Variants in PAX7 observed in about 807,000 individuals in gnomAD.
PAX7 encodes the protein paired box protein Pax-7.
Under a neutral mutation model 50.7 loss-of-function variants are expected in PAX7, and 18 were observed. The ratio of observed to expected loss-of-function variants is 0.36; its 90% CI spans 0.25 to 0.53. PAX7 has a LOEUF of 0.53. Among genes scored for constraint, PAX7 ranks in the 20% least tolerant of loss-of-function variants. PAX7 has a pLI of 0.93. For missense variants in PAX7, 644 were observed against 702.9 expected (o/e 0.92, Z 0.95); for synonymous variants, 310 against 290.4 (o/e 1.07, Z -0.69).
At chr1:18,687,948 T>C (rs1440175173) in intron 4 of PAX7, among the ~76,000 whole-genome samples, 6 of 151,800 alleles carry the variant, frequency 4.0e-5, no homozygotes, top group Non-Finnish European at 1.5e-5. Context: ...CCATGGTGAG[T>C]CTAGAAAGCT....
intron 7 of PAX7, among the ~76,000 whole-genome samples, chr1:18,716,820 C>G (rs1008021770): frequency 2.0e-5 from 3 of 151,134 alleles, no homozygotes; most frequent in African/African-American, 7.4e-5. Flanking sequence ...ACCTCTTCCC[C>G]CTCCATCTTC....
intron 7 of PAX7, among the ~76,000 whole-genome samples, chr1:18,719,281 A>G (rs886941853): frequency 2.0e-5 from 3 of 152,178 alleles, no homozygotes; most frequent in East Asian, 1.9e-4. Context: ...AGCATCCACA[A>G]AAGAGGTAAC....
chr1:18,635,178 G>A lies in PAX7; in HGVS notation c.389G>A (p.Ser130Asn). ...AAGAGGGAAAACCCAGGCATGTTCAGCTGGGAGATCCGGGACAGGCTGCTG... is the reference window on the plus strand; with the variant it reads ...AAGAGGGAAAACCCAGGCATGTTCAACTGGGAGATCCGGGACAGGCTGCTG... ...EYKRENPGMFSWEIRDRLLKD... is the reference protein window; with the variant it reads ...EYKRENPGMFNWEIRDRLLKD... Residue 130 changes from serine (S) to asparagine (N), a missense_variant, in exon 3 of 9, where the codon AGC (serine) becomes AAC (asparagine). Coordinates refer to ENST00000420770, the MANE Select transcript of PAX7 (RefSeq NM_001135254.2). 1 of 1,614,092 alleles carries A rather than the reference G, an allele frequency of 6.2e-7. No homozygotes were observed. Among genetic ancestry groups the A allele is most frequent in the Non-Finnish European group, 8.5e-7 (1 of 1,179,990 alleles).
chr1:18,701,781 C>G (rs1398012276), intron 6 of PAX7, among the ~76,000 whole-genome samples: 1 of 151,900 alleles, frequency 6.6e-6, no homozygotes, highest in Non-Finnish European at 1.5e-5. Context: ...CACTTGAGCC[C>G]AGTTCTCCCA....
At chr1:18,631,834 AC>A in intron 1 of PAX7, 146 bp downstream of exon 1, 1 of 694,624 alleles carries the variant, frequency 1.4e-6, no homozygotes, top group Non-Finnish European at 2.4e-6. Context: ...CGGGCGCGGA[AC>A]CCAGGGAGTT....
At chr1:18,682,628 T>G (rs115397920) in intron 4 of PAX7, among the ~76,000 whole-genome samples, 2,922 of 152,228 alleles carry the variant, frequency 0.019, 89 homozygotes, top group African/African-American at 0.066. Context: ...GCAGTGGCCC[T>G]GGGCAAGTCC....
At position 18,735,028 on chromosome 1, in the gene PAX7, G is replaced by C. The variant is rs373231693; in HGVS notation, c.1156-604G>C. ...GGGATGCTCACAGACCTCAGGAGCTGGTAGAATCAAAGGAAGGGGCCTGAG... is the reference window on the plus strand; with the variant it reads ...GGGATGCTCACAGACCTCAGGAGCTCGTAGAATCAAAGGAAGGGGCCTGAG... On this transcript the variant is annotated intron_variant, in intron 7 of 8. Coordinates refer to ENST00000420770, the MANE Select transcript of PAX7 (RefSeq NM_001135254.2). This position sits in a 1 kb window ranked among gnomAD's most constrained non-coding sequence, Gnocchi z 4.0. 6.6e-6 allele frequency among the ~76,000 whole-genome samples: 1 copy of C among 152,190 alleles called. No individual in the cohort carries two copies. The highest frequency in any genetic ancestry group is 1.5e-5 in the Non-Finnish European group (1 of 68,030).
At chr1:18,723,313 G>A (rs1200350058) in intron 7 of PAX7, among the ~76,000 whole-genome samples, 1 of 152,186 alleles carries the variant, frequency 6.6e-6, no homozygotes, top group Non-Finnish European at 1.5e-5. Context: ...TTGCCACTAC[G>A]GAGCCATATA....
At chr1:18,659,391 C>T (rs564415472) in intron 4 of PAX7, among the ~76,000 whole-genome samples, 2 of 152,186 alleles carry the variant, frequency 1.3e-5, no homozygotes. Context: ...TTCCCTCCCC[C>T]TCCTTTCCAC....
chr1:18,685,971 C>T (rs1216071561), intron 4 of PAX7, among the ~76,000 whole-genome samples: 2 of 152,180 alleles, frequency 1.3e-5, no homozygotes, highest in African/African-American at 2.4e-5. Context: ...CTTTGCCCGG[C>T]CAACTTGCTC....
At chr1:18,689,226 G>T (rs1383130400) in intron 4 of PAX7, among the ~76,000 whole-genome samples, 1 of 152,220 alleles carries the variant, frequency 6.6e-6, no homozygotes, top group African/African-American at 2.4e-5. Context: ...AGCCCCAAGG[G>T]CTGGCTTCCG....
chr1:18,700,907 T>C lies in PAX7; in HGVS notation c.952+89T>C. ...CTTACAAAGGCTCTTCTTTTTTTTATGACCATTTCTTACTTTCATGTAAGC... is the reference window on the plus strand; with the variant it reads ...CTTACAAAGGCTCTTCTTTTTTTTACGACCATTTCTTACTTTCATGTAAGC... On this transcript the variant is annotated intron_variant, in intron 6 of 8. Transcript: ENST00000420770. The surrounding 1 kb of genome is among the most constrained non-coding windows in gnomAD (Gnocchi z 4.8). 1.7e-6 allele frequency: 2 copies of C among 1,193,472 alleles called. No individual in the cohort carries two copies. The highest frequency in any genetic ancestry group is 2.2e-6 in the Non-Finnish European group (2 of 901,174). The allele number at this position is 1,193,472 out of a possible 1,614,324, so 73.9% of individuals were successfully genotyped here.
Position 18,741,050 on chromosome 1 carries a change from G to A in PAX7, c.1403-3764G>A, listed in dbSNP as rs188920064. Among the ~76,000 whole-genome samples, 104 of 152,276 alleles carry A rather than the reference G, an allele frequency of 6.8e-4. 1 individual carries two copies. The highest frequency in any genetic ancestry group is 2.4e-3 in the Admixed American group (37 of 15,296). On this transcript the variant is annotated intron_variant, in intron 8 of 8. Transcript: ENST00000420770. ...GGTGCAAACATACAGTTAGATAGAA[G>A]GAATAAGCTCTAGTGTTTGATAACA...
chr1:18,631,425 G>A lies in PAX7; in HGVS notation c.-179G>A. On this transcript the variant is annotated 5_prime_UTR_variant, in exon 1 of 9. Transcript: ENST00000420770. ...TCACCCCCCTCCCCAGCTTCTGGAC[G>A]CGTTTGACTGCAGCCAGGGGTGGGG... 3.3e-6 allele frequency: 2 copies of A among 597,156 alleles called. No individual in the cohort carries two copies. Among genetic ancestry groups the A allele is most frequent in the Non-Finnish European group, 6.0e-6 (2 of 331,894 alleles). 37.0% of individuals were successfully genotyped at this position (597,156 alleles called of 1,614,324 possible). A position where few individuals can be genotyped will look rare whatever the true frequency, so the allele number is the denominator to read the frequency against.
intron 4 of PAX7, among the ~76,000 whole-genome samples, chr1:18,671,147 A>G (rs2088742955): frequency 6.6e-6 from 1 of 152,130 alleles, no homozygotes; most frequent in African/African-American, 2.4e-5. Context: ...AGGCAGCAGG[A>G]CTTGCTTTTG....
chr1:18,666,840 C>G (rs1204550309), intron 4 of PAX7, among the ~76,000 whole-genome samples: 8 of 152,202 alleles, frequency 5.3e-5, no homozygotes, highest in Admixed American at 5.2e-4. Context: ...TCAGAGCAAA[C>G]AAACTTTTGG....
intron 6 of PAX7, among the ~76,000 whole-genome samples, chr1:18,701,835 A>G (rs1006925212): frequency 6.6e-6 from 1 of 152,166 alleles, no homozygotes; most frequent in Non-Finnish European, 1.5e-5. Flanking sequence ...GGAAAGGGAT[A>G]GGCAGAGGGA....
At chr1:18,706,887 G>A (rs111967932) in intron 7 of PAX7, among the ~76,000 whole-genome samples, 7,006 of 151,606 alleles carry the variant, frequency 0.046, 547 homozygotes, top group African/African-American at 0.16. Flanking sequence ...TGTGCATCAC[G>A]CTGGCCAGCT....
intron 4 of PAX7, among the ~76,000 whole-genome samples, chr1:18,659,107 A>C (rs189546029): frequency 1.1e-3 from 161 of 152,160 alleles, no homozygotes; most frequent in African/African-American, 3.8e-3. Flanking sequence ...ATGTGTGTGT[A>C]TGTGTGTGTC....
Sources: gnomAD v4.1 joint callset for allele counts (sites outside exome capture counted in the v4.1 genomes callset) on GRCh38, gnomAD v4.1.1 for gene constraint, Gnocchi (gnomAD v3.1) non-coding constraint, MANE v1.5 for transcripts, NCBI Gene and HGNC (gene_info 2026-07-23, HGNC 2026-07-21) for gene names.